GRID2IP: variants seen among roughly 807,000 people sequenced by gnomAD.
The protein encoded by GRID2IP is delphilin.
In GRID2IP, 78 loss-of-function variants were observed where a neutral mutation model predicts 114.3. The ratio of observed to expected loss-of-function variants is 0.68; its 90% confidence interval spans 0.57 to 0.82. The LOEUF (loss-of-function observed/expected upper bound fraction) is 0.82. Ranked by LOEUF, GRID2IP falls within the 40% of genes least tolerant of loss-of-function variation. The pLI, the probability that GRID2IP is intolerant of heterozygous loss-of-function variation, is 0.00. For synonymous variants in GRID2IP, 809 were observed against 724.0 expected (o/e 1.12, Z -1.89); for missense variants, 1,727 against 1,678.5 (o/e 1.03, Z -0.51).
At chr7:6,549,735 C>T (rs1254879543) in intron 1 of GRID2IP, among the ~76,000 whole-genome samples, 1 of 152,090 alleles carries the variant, frequency 6.6e-6, no homozygotes, top group Non-Finnish European at 1.5e-5. Context: ...ATCCTCCCAC[C>T]TCAACACCCT....
At chr7:6,502,931 T>A in intron 17 of GRID2IP, 59 bp from the exon 18 acceptor site, 1 of 1,534,378 alleles carries the variant, frequency 6.5e-7, no homozygotes, top group Admixed American at 2.0e-5. Context: ...CACCCTGCTG[T>A]CTGGATGGGC....
intron 2 of GRID2IP, among the ~76,000 whole-genome samples, chr7:6,531,636 C>G (rs1307798385): frequency 6.6e-6 from 1 of 152,226 alleles, no homozygotes; most frequent in African/African-American, 2.4e-5. Flanking sequence ...GTAGCTGGGA[C>G]TACAGGCATA....
intron 20 of GRID2IP, among the ~76,000 whole-genome samples, chr7:6,500,012 T>C (rs181354446): frequency 4.6e-5 from 7 of 151,004 alleles, no homozygotes; most frequent in African/African-American, 1.2e-4. Context: ...ATTACAGGCA[T>C]GAGCCACTGC....
At chr7:6,542,306 C>CAAAAAA (rs56154707) in intron 1 of GRID2IP, among the ~76,000 whole-genome samples, 12 of 95,128 alleles carry the variant, frequency 1.3e-4, no homozygotes, top group East Asian at 3.4e-4. Flanking sequence ...AACTCCATCT[C>CAAAAAA]AAAAAAAAAA....
Position 6,508,513 on chromosome 7 carries a change from C to A in GRID2IP, c.2128-112G>T. The A allele has an allele frequency of 6.7e-7, 1 of 1,496,820 alleles. No homozygotes were observed. The allele number at this position is 1,496,820 out of a possible 1,614,324, so 92.7% of individuals were successfully genotyped here. On this transcript the variant is annotated intron_variant, in intron 12 of 21. Coordinates refer to ENST00000457091, the MANE Select transcript of GRID2IP (RefSeq NM_001145118.2). The surrounding 1 kb of genome is among the most constrained non-coding windows in gnomAD (Gnocchi z 5.6). Reference sequence around the variant, plus strand: ...CTGGGACAAGGACAGGGCCATCTCACGGGTTAGCCTCAGGCTGTGAGGGAC... The same window carrying A: ...CTGGGACAAGGACAGGGCCATCTCAAGGGTTAGCCTCAGGCTGTGAGGGAC...
At chr7:6,513,769 G>A (rs1779229894) in intron 8 of GRID2IP, among the ~76,000 whole-genome samples, 1 of 152,106 alleles carries the variant, frequency 6.6e-6, no homozygotes, top group South Asian at 2.1e-4. Context: ...ATGTGGGAGG[G>A]GCCCAAATCG....
In GRID2IP at chr7:6,536,674, G is replaced by T. The variant is rs1276782568; in HGVS notation, c.584+3044C>A. Among the ~76,000 whole-genome samples, 1 of 152,186 alleles carries T rather than the reference G, an allele frequency of 6.6e-6. No homozygotes were observed. Among genetic ancestry groups the T allele is most frequent in the African/African-American group, 2.4e-5 (1 of 41,454 alleles). ...TGCGCCCCGCTGGCCCATCCCTGGT[G>T]GGGAGGGGCGGGACGGGGGGCTGCC... On this transcript the variant is annotated intron_variant, in intron 2 of 21. Transcript: ENST00000457091. This position sits in a 1 kb window ranked among gnomAD's most constrained non-coding sequence, Gnocchi z 5.3.
Position 6,551,129 on chromosome 7 carries a change from C to G in GRID2IP, c.308G>C (p.Arg103Pro). 7.6e-7 allele frequency: 1 copy of G among 1,317,434 alleles called. No homozygotes were observed. 81.6% of individuals were successfully genotyped at this position (1,317,434 alleles called of 1,614,324 possible). The change falls in exon 1 of 22, where the codon CGG becomes CCG. Residue 103 changes from arginine (R) to proline (P), a missense_variant. Coordinates refer to ENST00000457091, the MANE Select transcript of GRID2IP (RefSeq NM_001145118.2). ...TAGGCCGCGGCCGCACCGCGGGGCC[C>G]GCAAGACTGTGGTCGGGGCCGCGGG... The part of the protein sequence containing the change: ...SGPAAPTTVL[R>P]APRCGRGLAL...
chr7:6,502,092 C>T lies in GRID2IP; in HGVS notation c.3177G>A (p.Gly1059=), dbSNP rs763199065. 7.3e-5 allele frequency: 114 copies of T among 1,551,248 alleles called. No individual in the cohort carries two copies. Among genetic ancestry groups the T allele is most frequent in the Non-Finnish European group, 8.7e-5 (100 of 1,146,862 alleles). The change falls in exon 19 of 22, where the codon GGG becomes GGA. Residue 1059 remains glycine, a synonymous_variant. Transcript: ENST00000457091. ...CAAGGATGTGCAGGAAGGTGGACTT[C>T]CCATCCACTGTCTTGGTGGAGTTCA... ...TELNSTKTVD[G]KSTFLHILAK...
Position 6,519,064 on chromosome 7 carries a change from G to T in GRID2IP, c.1268+1514C>A, listed in dbSNP as rs1779365447. On this transcript the variant is annotated intron_variant, in intron 7 of 21. Coordinates refer to ENST00000457091, the MANE Select transcript of GRID2IP (RefSeq NM_001145118.2). The surrounding 1 kb of genome is among the most constrained non-coding windows in gnomAD (Gnocchi z 4.1). The stretch of plus-strand genomic sequence containing the variant: ...CTCCCAAGTAGCTGGAACTACAGGT[G>T]CGCACCACCATGCCCAGCTAATTTT... 6.6e-6 allele frequency among the ~76,000 whole-genome samples: 1 copy of T among 151,938 alleles called. No individual in the cohort carries two copies. Among genetic ancestry groups the T allele is most frequent in the Non-Finnish European group, 1.5e-5 (1 of 68,006 alleles).
intron 1 of GRID2IP, among the ~76,000 whole-genome samples, chr7:6,549,554 G>T (rs1481905108): frequency 6.6e-6 from 1 of 152,232 alleles, no homozygotes; most frequent in African/African-American, 2.4e-5. Flanking sequence ...CGCTGTGCAA[G>T]GGCAGGTCTA....
At position 6,520,900 on chromosome 7, in the gene GRID2IP, T is replaced by C. The variant is rs10247242; in HGVS notation, c.1085-139A>G. 71,936 of 798,626 alleles carry C rather than the reference T, an allele frequency of 0.09. 9,571 individuals are homozygous for C. The highest frequency in any genetic ancestry group is 0.52 in the African/African-American group (30,072 of 57,568). 49.5% of individuals were successfully genotyped at this position (798,626 alleles called of 1,614,324 possible). On this transcript the variant is annotated intron_variant, in intron 6 of 21. Transcript: ENST00000457091. This position sits in a 1 kb window ranked among gnomAD's most constrained non-coding sequence, Gnocchi z 4.6. ...TGCCATGCATGGGAAGGCATGCCTG[T>C]GGCCCGACACCGGGGCCAAGGATAG...
At chr7:6,514,591 G>C (rs10251107) in intron 7 of GRID2IP, 62 bp from the exon 8 acceptor site, 3 of 1,388,698 alleles carry the variant, frequency 2.2e-6, no homozygotes, top group South Asian at 1.6e-5. Context: ...TGCACAGAGT[G>C]GGGGTAGACA....
chr7:6,505,004 T>C (rs2115356605), intron 14 of GRID2IP, 134 bp from the exon 15 acceptor site: 2 of 700,698 alleles, frequency 2.9e-6, no homozygotes, highest in South Asian at 1.7e-5. Context: ...TACACGTCCA[T>C]AGTCCCTTCA....
Position 6,551,216 on chromosome 7 carries a change from C to T in GRID2IP, c.221G>A (p.Arg74His), listed in dbSNP as rs1172319310. ...GAGCACGCCCAGACTGGGCGGCACA[C>T]GTGGGCAGCGCCGTGCCAGGCGCAC... ...RLVRLARRCP[R>H]VPPSLGVLPA... The change falls in exon 1 of 22, where the codon CGT becomes CAT. Residue 74 changes from arginine to histidine, a missense_variant. By Grantham distance (29) the Arg-to-His change is conservative. Transcript: ENST00000457091. The T allele has an allele frequency of 1.3e-6, 2 of 1,508,034 alleles. No homozygotes were observed. The highest frequency in any genetic ancestry group is 4.2e-5 in the Admixed American group (2 of 47,342). 93.4% of individuals were successfully genotyped at this position (1,508,034 alleles called of 1,614,324 possible).
intron 8 of GRID2IP, among the ~76,000 whole-genome samples, chr7:6,511,271 G>T (rs1338822642): frequency 6.6e-6 from 1 of 151,710 alleles, no homozygotes; most frequent in African/African-American, 2.4e-5. Flanking sequence ...CCTGAACTCA[G>T]GGGCCTAGCA....
At chr7:6,535,011 G>A (rs1450167330) in intron 2 of GRID2IP, among the ~76,000 whole-genome samples, 1 of 152,158 alleles carries the variant, frequency 6.6e-6, no homozygotes. Flanking sequence ...TCAGCCTCCC[G>A]AGTAGCTGGG....
rs1583351325 is a variant in GRID2IP at position 6,536,085 on chromosome 7, TG to T, written c.584+3632del. Among the ~76,000 whole-genome samples, 1 of 152,154 alleles carries T rather than the reference TG, an allele frequency of 6.6e-6. No homozygotes were observed. The highest frequency in any genetic ancestry group is 1.5e-5 in the Non-Finnish European group (1 of 68,028). ...ATGCCCCCTCTGACCTCTCTCCAGA[TG>T]GGGCTGCCCAGAGATCGCTGCCACC... On this transcript the variant is annotated intron_variant, in intron 2 of 21. Transcript: ENST00000457091. The surrounding 1 kb of genome is among the most constrained non-coding windows in gnomAD (Gnocchi z 5.3).
At position 6,498,227 on chromosome 7, in the gene GRID2IP, G is replaced by T. The variant is rs1208419467; in HGVS notation, c.3401C>A (p.Ser1134Tyr). 6.5e-7 allele frequency: 1 copy of T among 1,539,544 alleles called. No homozygotes were observed. The highest frequency in any genetic ancestry group is 1.2e-5 in the South Asian group (1 of 82,460). ...TGCTGGCTGGGCCGTCTCCAGGAAG[G>T]ACTGACAGGCCTCAGTTAAGGAAAC... is the stretch of plus-strand genomic sequence containing the variant. Reference protein sequence around the residue: ...SEDKFAMVMSSFLETAQPALR... With the variant: ...SEDKFAMVMSYFLETAQPALR... Residue 1134 changes from serine (S) to tyrosine (Y), a missense_variant and splice_region_variant, in exon 21 of 22, where the codon TCC becomes TAC. Coordinates refer to ENST00000457091, the MANE Select transcript of GRID2IP (RefSeq NM_001145118.2).
Sources: gnomAD v4.1 joint callset for allele counts (sites outside exome capture counted in the v4.1 genomes callset) on GRCh38, gnomAD v4.1.1 for gene constraint, Gnocchi (gnomAD v3.1) non-coding constraint, MANE v1.5 for transcripts, NCBI Gene and HGNC (gene_info 2026-07-23, HGNC 2026-07-21) for gene names.